Variants in RNF111 observed in about 807,000 individuals in gnomAD.
The protein encoded by RNF111 is E3 ubiquitin-protein ligase Arkadia.
In RNF111, 17 loss-of-function variants were observed where a neutral mutation model predicts 95.1. That is an observed-to-expected ratio of 0.18 (90% CI 0.12 to 0.27). RNF111 has a LOEUF of 0.27. Ranked by LOEUF, RNF111 falls within the 10% of genes least tolerant of loss-of-function variation. The probability of loss-of-function intolerance (pLI) is 1.00; values close to 1 mark genes in which losing one functional copy is unlikely to be tolerated. For missense variants in RNF111, 1,189 were observed against 1,210.4 expected, an observed-to-expected ratio of 0.98 and a Z score of 0.26; for synonymous variants, 440 against 414.8, an observed-to-expected ratio of 1.06 and a Z score of -0.74.
chr15:59,090,211 TG>T (rs2079011875), intron 11 of RNF111, among the ~76,000 whole-genome samples: 4 of 73,006 alleles, frequency 5.5e-5, no homozygotes, highest in African/African-American at 1.8e-4. Flanking sequence ...TTTGTTTTTT[TG>T]TTTGTTTGTT....
chr15:59,088,591 A>G (rs1443041446), intron 10 of RNF111, among the ~76,000 whole-genome samples: 1 of 152,228 alleles, frequency 6.6e-6, no homozygotes, highest in Non-Finnish European at 1.5e-5. Context: ...TTATTTATAA[A>G]GATGGAAGAA....
At position 59,066,541 on chromosome 15, in the gene RNF111, C is replaced by T. The variant is rs537360291; in HGVS notation, c.1367-223C>T. 5.9e-5 allele frequency among the ~76,000 whole-genome samples: 9 copies of T among 151,990 alleles called. No homozygotes were observed. In the South Asian group the frequency reaches 6.2e-4, roughly 11 times the overall value. On this transcript the variant is annotated intron_variant, in intron 5 of 13. Transcript: ENST00000348370. The stretch of plus-strand genomic sequence containing the variant: ...AGGAAAATCGCTTGAACCCAGGAGG[C>T]GGAGGTTTGGTGAGCCAAGATGGCG...
intron 1 of RNF111, among the ~76,000 whole-genome samples, chr15:59,002,026 A>G (rs1413534569): frequency 6.6e-6 from 1 of 152,220 alleles, no homozygotes; most frequent in Non-Finnish European, 1.5e-5. Context: ...TGATGATAAA[A>G]TGGCGAAATG....
At chr15:59,079,719 C>T (rs1005413667) in intron 7 of RNF111, among the ~76,000 whole-genome samples, 1 of 151,100 alleles carries the variant, frequency 6.6e-6, no homozygotes, top group Non-Finnish European at 1.5e-5. Context: ...ATGTGTATTC[C>T]TCAGAGAGAT....
intron 5 of RNF111, among the ~76,000 whole-genome samples, chr15:59,062,569 A>C (rs971321234): frequency 6.6e-6 from 1 of 152,212 alleles, no homozygotes; most frequent in Non-Finnish European, 1.5e-5. Context: ...AAAACAGATA[A>C]ATTTTTGTTC....
chr15:59,051,524 C>G (rs2041983785), intron 2 of RNF111, among the ~76,000 whole-genome samples: 2 of 151,522 alleles, frequency 1.3e-5, no homozygotes, highest in South Asian at 4.2e-4. Context: ...GCCTATAATC[C>G]CAGCACTTTG....
At position 59,080,823 on chromosome 15, in the gene RNF111, A is replaced by G. The variant is rs559357352; in HGVS notation, c.1949-113A>G. 7.3e-6 allele frequency: 6 copies of G among 824,546 alleles called. No individual in the cohort carries two copies. The Admixed American group carries it at 1.7e-4, about 24-fold the overall frequency. The allele number at this position is 824,546 out of a possible 1,614,324, so 51.1% of individuals were successfully genotyped here. ...GCTTGAATACTTTACTTGATAAAGT[A>G]TTCATAAAAATAAAATACTAATATG... On this transcript the variant is annotated intron_variant, in intron 7 of 13. Transcript: ENST00000348370.
chr15:59,027,516 A>G (rs8035952), intron 1 of RNF111, among the ~76,000 whole-genome samples: 5,903 of 151,828 alleles, frequency 0.039, 198 homozygotes, highest in African/African-American at 0.09. Flanking sequence ...AATAAAAGAA[A>G]TTCTATACCT....
rs1237924162 is a variant in RNF111 at position 59,066,877 on chromosome 15, C to T, written c.1480C>T (p.His494Tyr). Reference protein sequence around the residue: ...HSPCGGSSQNHHALGHPHTSC... With the variant: ...HSPCGGSSQNYHALGHPHTSC... ...ACCATGTGGAGGGTCGTCACAGAACCACCATGCATTAGGACATCCTCATAC... is the reference window on the plus strand; with the variant it reads ...ACCATGTGGAGGGTCGTCACAGAACTACCATGCATTAGGACATCCTCATAC... The change falls in exon 6 of 14, where the codon CAC becomes TAC. Residue 494 changes from histidine to tyrosine, a missense_variant. Transcript: ENST00000348370. 3.7e-6 allele frequency: 6 copies of T among 1,614,056 alleles called. No homozygotes were observed. In the South Asian group the frequency reaches 6.6e-5, roughly 18 times the overall value.
chr15:59,051,807 G>A lies in RNF111; in HGVS notation c.881-498G>A, dbSNP rs28438797. Among the ~76,000 whole-genome samples the A allele has an allele frequency of 1.5e-4, 22 of 148,236 alleles. No homozygotes were observed. The South Asian group carries it at 1.5e-3, about 10-fold the overall frequency. ...TAAATAAATAAATAAATAAATAAAT[G>A]AATAAATAAACAAATGACAAATTTC... On this transcript the variant is annotated intron_variant, in intron 2 of 13. Transcript: ENST00000348370.
intron 1 of RNF111, among the ~76,000 whole-genome samples, chr15:59,021,038 C>T (rs964673734): frequency 2.0e-5 from 3 of 152,070 alleles, no homozygotes; most frequent in Admixed American, 2.0e-4. Context: ...TATACTGTAC[C>T]TAATGTGTAG....
chr15:59,014,069 G>A (rs139647295), intron 1 of RNF111, among the ~76,000 whole-genome samples: 127 of 152,258 alleles, frequency 8.3e-4, no homozygotes, highest in African/African-American at 2.9e-3. Context: ...AGGATTACAG[G>A]TGTGAGCCAC....
intron 5 of RNF111, among the ~76,000 whole-genome samples, chr15:59,063,579 T>C (rs1158616558): frequency 6.6e-6 from 1 of 152,208 alleles, no homozygotes; most frequent in Non-Finnish European, 1.5e-5. Flanking sequence ...TATCTCTGTA[T>C]TTCACCTCTA....
In RNF111 at chr15:59,081,106, C is replaced by A. The variant is rs1566939698; in HGVS notation, c.2119C>A (p.Pro707Thr). 1 of 1,614,062 alleles carries A rather than the reference C, an allele frequency of 6.2e-7. No homozygotes were observed. Among genetic ancestry groups the A allele is most frequent in the Non-Finnish European group, 8.5e-7 (1 of 1,180,014 alleles). The change falls in exon 8 of 14, where the codon CCC becomes ACC. Residue 707 changes from proline to threonine, a missense_variant. Around this residue, in one of 2 missense-constraint regions of RNF111, gnomAD observed 1,024 missense variants for 925.9 expected, o/e 1.11. Coordinates refer to ENST00000348370, the MANE Select transcript of RNF111 (RefSeq NM_017610.8). ...SSHATSHPVAPPPPTHLASTA... is the reference protein window; with the variant it reads ...SSHATSHPVATPPPTHLASTA... Reference sequence around the variant, plus strand: ...TCATGCAACATCTCATCCTGTGGCACCCCCACCACCAACTCACTTAGCCAG... The same window carrying A: ...TCATGCAACATCTCATCCTGTGGCAACCCCACCACCAACTCACTTAGCCAG...
intron 1 of RNF111, among the ~76,000 whole-genome samples, chr15:58,989,763 T>G (rs1693534): frequency 0.66 from 100,241 of 152,090 alleles, 34,877 homozygotes; most frequent in South Asian, 0.85. Context: ...CTTGCTTGTA[T>G]AAAGCTAAGG....
At chr15:59,042,818 A>T (rs574082296) in intron 2 of RNF111, among the ~76,000 whole-genome samples, 14 of 152,334 alleles carry the variant, frequency 9.2e-5, no homozygotes, top group Non-Finnish European at 7.3e-5. Context: ...TCTTTTAATT[A>T]TAAAATCTTT....
At chr15:59,075,142 AG>A (rs1348029482) in intron 6 of RNF111, among the ~76,000 whole-genome samples, 2 of 152,258 alleles carry the variant, frequency 1.3e-5, no homozygotes, top group Non-Finnish European at 2.9e-5. Flanking sequence ...GTAAATATTA[AG>A]AGAATTACCA....
chr15:59,020,070 A>G (rs1249439495), intron 1 of RNF111, among the ~76,000 whole-genome samples: 1 of 149,574 alleles, frequency 6.7e-6, no homozygotes, highest in Non-Finnish European at 1.5e-5. Context: ...TTTATATATC[A>G]TATAATTTTA....
chr15:59,096,289 C>CA lies in RNF111; in HGVS notation c.*1392dup, dbSNP rs1831351666. ...AATATGCTTAATATGCCCCAGATTG[C>CA]AAATGCATCCAGTCAGTAATATCAC... is the stretch of plus-strand genomic sequence containing the variant. On this transcript the variant is annotated 3_prime_UTR_variant, in exon 14 of 14. Transcript: ENST00000348370. 16 of 378,440 alleles carry CA rather than the reference C, an allele frequency of 4.2e-5. No individual in the cohort carries two copies. Among genetic ancestry groups the CA allele is most frequent in the Non-Finnish European group, 7.0e-5 (15 of 213,714 alleles). 23.4% of individuals were successfully genotyped at this position (378,440 alleles called of 1,614,324 possible). A position where few individuals can be genotyped will look rare whatever the true frequency, so the allele number is the denominator to read the frequency against.
Sources: gnomAD v4.1 joint callset for allele counts (sites outside exome capture counted in the v4.1 genomes callset) on GRCh38, gnomAD v4.1.1 for gene constraint, gnomAD v4.1.1 regional missense constraint, MANE v1.5 for transcripts, NCBI Gene and HGNC (gene_info 2026-07-23, HGNC 2026-07-21) for gene names.